Variants in STK32A observed in about 807,000 individuals in gnomAD.
The protein encoded by STK32A is serine/threonine-protein kinase 32A.
In STK32A, 41 loss-of-function variants were observed where a neutral mutation model predicts 53.2. The ratio of observed to expected loss-of-function variants is 0.77; its 90% CI spans 0.60 to 1.00. The LOEUF is 1.00. Ranked by LOEUF, STK32A falls within the 50% of genes least tolerant of loss-of-function variation. STK32A has a pLI of 0.00. For synonymous variants in STK32A, 166 were observed against 162.8 expected, an observed-to-expected ratio of 1.02 and a Z score of -0.15; for missense variants, 458 against 485.8, an observed-to-expected ratio of 0.94 and a Z score of 0.54.
chr5:147,277,070 A>G (rs1228896937), intron 2 of STK32A, among the ~76,000 whole-genome samples: 1 of 152,164 alleles, frequency 6.6e-6, no homozygotes, highest in Non-Finnish European at 1.5e-5. Flanking sequence ...CTTTGAAGGC[A>G]CTCTAGCCAA....
At chr5:147,347,425 C>T (rs939656804) in intron 6 of STK32A, among the ~76,000 whole-genome samples, 3 of 151,904 alleles carry the variant, frequency 2.0e-5, no homozygotes, top group Non-Finnish European at 4.4e-5. Context: ...CTCAACTGGG[C>T]GTAATTTTGC....
At chr5:147,236,119 G>A (rs1421138453) in intron 1 of STK32A, among the ~76,000 whole-genome samples, 2 of 152,096 alleles carry the variant, frequency 1.3e-5, no homozygotes, top group Non-Finnish European at 2.9e-5. Context: ...AATCCTAGAA[G>A]ACCACACCTC....
Position 147,330,653 on chromosome 5 carries a change from C to G in STK32A, c.434+6582C>G, listed in dbSNP as rs73797622. Among the ~76,000 whole-genome samples the G allele has an allele frequency of 7.5e-3, 1,136 of 152,316 alleles. 13 individuals carry two copies. The highest frequency in any genetic ancestry group is 0.025 in the African/African-American group (1,044 of 41,564). ...AAGTGAGGAGGTTTCAACAAGTGAT[C>G]AGTAATGATTCTTTTATGTCTAAGA... On this transcript the variant is annotated intron_variant, in intron 5 of 12. Transcript: ENST00000397936.
At chr5:147,375,368 C>T in intron 11 of STK32A, 150 bp downstream of exon 11, 4 of 903,768 alleles carry the variant, frequency 4.4e-6, no homozygotes, top group East Asian at 2.8e-5. Context: ...TCTAAAAGGG[C>T]AGACCAGAGC....
At chr5:147,348,643 A>C in intron 6 of STK32A, 1 of 753,960 alleles carries the variant, frequency 1.3e-6, no homozygotes. Context: ...AGACAGTTGC[A>C]TGTCTGGCTG....
chr5:147,300,269 CTA>C (rs1403124695), intron 4 of STK32A, among the ~76,000 whole-genome samples: 6 of 152,134 alleles, frequency 3.9e-5, no homozygotes, highest in Admixed American at 6.6e-5. Flanking sequence ...AAATATTTTC[CTA>C]TAGTCACACA....
chr5:147,294,664 C>T (rs1053686310), intron 4 of STK32A, among the ~76,000 whole-genome samples: 3 of 151,178 alleles, frequency 2.0e-5, no homozygotes, highest in Non-Finnish European at 4.4e-5. Context: ...TCTCTTATAT[C>T]TAGTCATTTT....
At chr5:147,321,232 G>C (rs1332694492) in intron 4 of STK32A, among the ~76,000 whole-genome samples, 6 of 152,180 alleles carry the variant, frequency 3.9e-5, no homozygotes, top group Non-Finnish European at 7.3e-5. Flanking sequence ...CAAGAGCAAG[G>C]CTGTGATGAA....
At chr5:147,397,952 G>T in the STK32A span, 1 of 1,182,596 alleles carries the variant, frequency 8.5e-7, no homozygotes, top group Non-Finnish European at 1.1e-6. Flanking sequence ...CACCAGGTAA[G>T]CCAGGAAAAG....
At chr5:147,359,624 A>C (rs17106542) in intron 7 of STK32A, among the ~76,000 whole-genome samples, 2 of 152,128 alleles carry the variant, frequency 1.3e-5, no homozygotes. Context: ...CCTGGGGACT[A>C]TCTGATATGA....
chr5:147,353,490 G>A (rs564466498), intron 7 of STK32A, among the ~76,000 whole-genome samples: 6 of 152,170 alleles, frequency 3.9e-5, no homozygotes, highest in African/African-American at 1.2e-4. Context: ...GGCGGGGTGC[G>A]GTGGCTCACA....
chr5:147,401,389 A>T, the STK32A span: 2 of 865,624 alleles, frequency 2.3e-6, no homozygotes, highest in Non-Finnish European at 3.4e-6. Context: ...CCTGCTTTCT[A>T]CGCTCAAGAC....
downstream of STK32A, among the ~76,000 whole-genome samples, chr5:147,389,041 C>A (rs1037346129): frequency 1.3e-5 from 2 of 152,196 alleles, no homozygotes; most frequent in African/African-American, 4.8e-5. Context: ...ATAATTAATT[C>A]TTTATGCACT....
At chr5:147,279,981 A>G (rs752107274) in intron 4 of STK32A, among the ~76,000 whole-genome samples, 1 of 152,074 alleles carries the variant, frequency 6.6e-6, no homozygotes, top group Non-Finnish European at 1.5e-5. Context: ...TCCTCTCCCA[A>G]ACACACACCC....
chr5:147,365,959 C>A (rs1756724300), intron 8 of STK32A, among the ~76,000 whole-genome samples: 1 of 152,034 alleles, frequency 6.6e-6, no homozygotes. Context: ...TCAACTTTGA[C>A]AAATTCATTT....
intron 2 of STK32A, among the ~76,000 whole-genome samples, chr5:147,262,827 G>A (rs1483628124): frequency 1.3e-5 from 2 of 152,116 alleles, no homozygotes; most frequent in African/African-American, 4.8e-5. Flanking sequence ...CTTCTAGAAG[G>A]GGAAGGTGAG....
At chr5:147,341,786 T>C (rs775072965) in intron 5 of STK32A, among the ~76,000 whole-genome samples, 6 of 152,160 alleles carry the variant, frequency 3.9e-5, no homozygotes, top group Admixed American at 6.6e-5. Context: ...TTGTATTATA[T>C]ACCAGAAATT....
At chr5:147,379,961 G>C (rs1385180066) in intron 11 of STK32A, among the ~76,000 whole-genome samples, 3 of 151,792 alleles carry the variant, frequency 2.0e-5, no homozygotes, top group African/African-American at 7.3e-5. Context: ...TATCCATTTG[G>C]CCACACTTCT....
chr5:147,289,447 G>A (rs1752497632), intron 4 of STK32A, among the ~76,000 whole-genome samples: 2 of 152,060 alleles, frequency 1.3e-5, no homozygotes, highest in Admixed American at 1.3e-4. Flanking sequence ...CTAGCTTCTG[G>A]AGATTTATAA....
Sources: allele counts gnomAD v4.1 joint callset (sites outside exome capture counted in the v4.1 genomes callset), GRCh38; gene constraint gnomAD v4.1.1; transcripts MANE v1.5; gene names NCBI Gene and HGNC (gene_info 2026-07-23, HGNC 2026-07-21).